IPO11: variants seen among roughly 807,000 people sequenced by gnomAD.
The protein encoded by IPO11 is importin 11.
In IPO11, 66 loss-of-function variants were observed where a neutral mutation model predicts 143.2. The ratio of observed to expected loss-of-function variants is 0.46; its 90% CI spans 0.38 to 0.57. The LOEUF is 0.57. Among genes scored for constraint, IPO11 ranks in the 20% least tolerant of loss-of-function variants. IPO11 has a pLI of 0.00. For missense variants in IPO11, 1,026 were observed against 1,141.0 expected (o/e 0.90, Z 1.45); for synonymous variants, 385 against 377.8 (o/e 1.02, Z -0.22).
At chr5:62,499,156 T>C (rs567958367) in intron 16 of IPO11, among the ~76,000 whole-genome samples, 8 of 152,174 alleles carry the variant, frequency 5.3e-5, no homozygotes, top group Non-Finnish European at 1.0e-4. Context: ...AATGCGTCCT[T>C]AGGCGATTTC....
At position 62,490,247 on chromosome 5, in the gene IPO11, TAC is replaced by T. The variant is rs747546485; in HGVS notation, c.1463+30_1463+31del. On this transcript the variant is annotated intron_variant, in intron 15 of 29. Coordinates refer to ENST00000325324, the MANE Select transcript of IPO11 (RefSeq NM_016338.5). ...CAAGTATAAAATTTTATATTTATTA[TAC>T]ACTTACTTTACCTTATTTATTTTAT... 4 of 1,389,114 alleles carry T rather than the reference TAC, an allele frequency of 2.9e-6. No individual in the cohort carries two copies. The South Asian group carries it at 5.2e-5, about 18-fold the overall frequency. 86.0% of individuals were successfully genotyped at this position (1,389,114 alleles called of 1,614,324 possible). A position where few individuals can be genotyped will look rare whatever the true frequency, so the allele number is the denominator to read the frequency against.
At chr5:62,559,342 G>A (rs773129198) in intron 26 of IPO11, among the ~76,000 whole-genome samples, 1 of 151,942 alleles carries the variant, frequency 6.6e-6, no homozygotes, top group Non-Finnish European at 1.5e-5. Context: ...GAAGGATAAT[G>A]AACAGTAGGT....
chr5:62,485,394 CATT>C (rs2112227531), intron 11 of IPO11, 22 bp from the exon 12 acceptor site: 6 of 1,573,296 alleles, frequency 3.8e-6, no homozygotes, highest in Non-Finnish European at 4.4e-6. Context: ...TTGAAAATGT[CATT>C]ATTACATATT....
At chr5:62,473,867 A>G (rs1292135086) in intron 7 of IPO11, among the ~76,000 whole-genome samples, 2 of 152,186 alleles carry the variant, frequency 1.3e-5, no homozygotes, top group Admixed American at 6.5e-5. Flanking sequence ...ATGCCTATCT[A>G]ATACTAGTAT....
chr5:62,456,129 G>T (rs1446836674), intron 5 of IPO11, among the ~76,000 whole-genome samples: 1 of 151,928 alleles, frequency 6.6e-6, no homozygotes, highest in Non-Finnish European at 1.5e-5. Flanking sequence ...CCCAGGTTCA[G>T]CACCTCCTAG....
Position 62,474,485 on chromosome 5 carries a change from C to G in IPO11, c.757+21C>G, listed in dbSNP as rs149573335. On this transcript the variant is annotated intron_variant, in intron 8 of 29. Transcript: ENST00000325324. ...ATGCAGTAAGTACTTTCGTTGCAGT[C>G]CTTTTTACTGTAGAATTTTTATTCA... is the stretch of plus-strand genomic sequence containing the variant. 5 of 1,543,206 alleles carry G rather than the reference C, an allele frequency of 3.2e-6. No homozygotes were observed. The African/African-American group carries it at 7.0e-5, about 21-fold the overall frequency.
intron 2 of IPO11, among the ~76,000 whole-genome samples, chr5:62,441,706 G>T (rs1477497137): frequency 6.6e-6 from 1 of 150,808 alleles, no homozygotes; most frequent in African/African-American, 2.4e-5. Context: ...AGTAGAGATG[G>T]GGTTTCATCA....
chr5:62,614,683 C>A (rs1224402333), intron 29 of IPO11, among the ~76,000 whole-genome samples: 3 of 151,816 alleles, frequency 2.0e-5, no homozygotes, highest in East Asian at 3.9e-4. Context: ...GAGGTGGTAG[C>A]CTGCAACTCC....
intron 11 of IPO11, among the ~76,000 whole-genome samples, chr5:62,485,078 G>C (rs115504491): frequency 2.6e-5 from 4 of 152,104 alleles, no homozygotes; most frequent in African/African-American, 9.7e-5. Context: ...CATGATTACT[G>C]TATTGAAATG....
intron 26 of IPO11, 78 bp from the exon 27 acceptor site, chr5:62,561,058 G>A (rs1743752302): frequency 2.3e-6 from 3 of 1,298,782 alleles, no homozygotes; most frequent in Non-Finnish European, 2.1e-6. Flanking sequence ...GACTTATGAG[G>A]CTTTAGCCTT....
chr5:62,507,096 G>GA (rs1321428146), intron 19 of IPO11, among the ~76,000 whole-genome samples: 2 of 152,174 alleles, frequency 1.3e-5, no homozygotes, highest in African/African-American at 4.8e-5. Context: ...ACAACATACT[G>GA]ACATATGTGC....
In IPO11 at chr5:62,591,596, T is replaced by G; in HGVS notation, c.2602T>G (p.Cys868Gly). Residue 868 changes from cysteine (C) to glycine (G), a missense_variant, in exon 28 of 30, where the codon TGT becomes GGT. By Grantham distance (159) the Cys-to-Gly change is radical (BLOSUM62 -3). Coordinates refer to ENST00000325324, the MANE Select transcript of IPO11 (RefSeq NM_016338.5). The stretch of plus-strand genomic sequence containing the variant: ...TTCTAGTGTTATCCAAGATAAATTC[T>G]GTGGGATTATAAACATTTCAGTAGA... ...SDNSVIQDKF[C>G]GIINISVEGL... The G allele has an allele frequency of 6.2e-7, 1 of 1,602,068 alleles. No homozygotes were observed. Among genetic ancestry groups the G allele is most frequent in the Non-Finnish European group, 8.5e-7 (1 of 1,174,624 alleles).
At chr5:62,479,066 C>T (rs970084020) in intron 9 of IPO11, among the ~76,000 whole-genome samples, 11 of 152,248 alleles carry the variant, frequency 7.2e-5, no homozygotes, top group African/African-American at 2.6e-4. Context: ...AGGTATTTCT[C>T]CTAATGCTAT....
intron 8 of IPO11, among the ~76,000 whole-genome samples, chr5:62,476,470 C>G (rs1403398565): frequency 1.3e-5 from 2 of 152,072 alleles, no homozygotes; most frequent in Non-Finnish European, 2.9e-5. Context: ...AAAGTGAGTT[C>G]AGTTCATATA....
At chr5:62,592,763 A>G (rs1471231441) in intron 28 of IPO11, among the ~76,000 whole-genome samples, 1 of 152,138 alleles carries the variant, frequency 6.6e-6, no homozygotes, top group Non-Finnish European at 1.5e-5. Flanking sequence ...CAAAAGGGGA[A>G]AAACCCCTTA....
rs974639258 is a variant in IPO11, at chr5:62,515,271, C to T, written c.1783-117C>T. 4.4e-5 allele frequency: 25 copies of T among 563,532 alleles called. No individual in the cohort carries two copies. In the East Asian group the frequency reaches 6.7e-4, roughly 15 times the overall value. The allele number at this position is 563,532 out of a possible 1,614,324, so 34.9% of individuals were successfully genotyped here. A position where few individuals can be genotyped will look rare whatever the true frequency, so the allele number is the denominator to read the frequency against. On this transcript the variant is annotated intron_variant, in intron 19 of 29. Transcript: ENST00000325324. ...AGGGTATAAGCTTAATACATTACAT[C>T]TAATAAATATTAAATATGTGCTGTC...
intron 20 of IPO11, among the ~76,000 whole-genome samples, chr5:62,524,821 G>T (rs1742316816): frequency 6.6e-6 from 1 of 152,114 alleles, no homozygotes; most frequent in African/African-American, 2.4e-5. Context: ...TATACTGTGT[G>T]GCATTGTAAT....
intron 26 of IPO11, among the ~76,000 whole-genome samples, chr5:62,551,956 C>G (rs1743402219): frequency 1.3e-5 from 2 of 151,984 alleles, no homozygotes; most frequent in Admixed American, 1.3e-4. Context: ...AACCCCATCT[C>G]TACTAAAAAT....
At chr5:62,464,122 T>A (rs1198889654) in intron 5 of IPO11, among the ~76,000 whole-genome samples, 1 of 147,008 alleles carries the variant, frequency 6.8e-6, no homozygotes, top group Middle Eastern at 3.4e-3. Context: ...CCGCATCTGG[T>A]CTATGTGTTT....
Sources: gnomAD v4.1 joint callset for allele counts (sites outside exome capture counted in the v4.1 genomes callset) on GRCh38, gnomAD v4.1.1 for gene constraint, MANE v1.5 for transcripts, NCBI Gene and HGNC (gene_info 2026-07-23, HGNC 2026-07-21) for gene names.